ZMAT4: variants seen among roughly 807,000 people sequenced by gnomAD.
ZMAT4 encodes the protein zinc finger matrin-type 4.
A neutral mutation model predicts 28.7 loss-of-function variants in ZMAT4; 17 were observed. The observed-to-expected ratio is 0.59, with a 90% CI of 0.41 to 0.89. The LOEUF is 0.89. Ranked by LOEUF, ZMAT4 falls within the 40% of genes least tolerant of loss-of-function variation. The pLI, the probability that ZMAT4 is intolerant of heterozygous loss-of-function variation, is 0.00. For synonymous variants in ZMAT4, 117 were observed against 109.2 expected (o/e 1.07, Z -0.44); for missense variants, 240 against 283.8 (o/e 0.85, Z 1.11).
intron 1 of ZMAT4, among the ~76,000 whole-genome samples, chr8:40,889,202 G>C (rs897898039): frequency 1.3e-5 from 2 of 152,214 alleles, no homozygotes; most frequent in African/African-American, 2.4e-5. Context: ...GAAGAGGAAG[G>C]AACAAGGATA....
intron 1 of ZMAT4, among the ~76,000 whole-genome samples, chr8:40,828,499 C>T (rs1047254566): frequency 1.3e-5 from 2 of 151,782 alleles, no homozygotes; most frequent in Admixed American, 6.6e-5. Flanking sequence ...GTCTGAGTCT[C>T]GGTAAAGCAG....
intron 6 of ZMAT4, among the ~76,000 whole-genome samples, chr8:40,574,914 C>T (rs1023758848): frequency 2.6e-5 from 4 of 152,140 alleles, no homozygotes; most frequent in African/African-American, 9.7e-5. Context: ...AGTAGGAGCC[C>T]ACATTGTTTA....
intron 3 of ZMAT4, among the ~76,000 whole-genome samples, chr8:40,712,572 T>G (rs891424157): frequency 1.7e-3 from 257 of 152,306 alleles, no homozygotes; most frequent in African/African-American, 5.8e-3. Context: ...GCAGTCAGGG[T>G]GGGGAAGGCA....
Position 40,736,641 on chromosome 8 carries a change from G to T in ZMAT4, c.192+31000C>A, listed in dbSNP as rs576751153. 3.6e-4 allele frequency among the ~76,000 whole-genome samples: 55 copies of T among 152,330 alleles called. 1 individual carries two copies. The highest frequency in any genetic ancestry group is 1.8e-3 in the Admixed American group (28 of 15,294). On this transcript the variant is annotated intron_variant, in intron 3 of 6. Coordinates refer to ENST00000297737, the MANE Select transcript of ZMAT4 (RefSeq NM_024645.3). The stretch of plus-strand genomic sequence containing the variant: ...AGCATTGCACAAATACATAACAAAA[G>T]GAGTTAAGGGAGGCAGTCCACAAGA...
chr8:40,660,203 C>T (rs1808123681), intron 5 of ZMAT4, among the ~76,000 whole-genome samples: 1 of 152,180 alleles, frequency 6.6e-6, no homozygotes, highest in Admixed American at 6.5e-5. Flanking sequence ...TACTCACCTT[C>T]TAAATAAAAG....
At chr8:40,822,041 G>A (rs16889990) in intron 2 of ZMAT4, among the ~76,000 whole-genome samples, 31,583 of 152,114 alleles carry the variant, frequency 0.21, 3,573 homozygotes, top group South Asian at 0.3. Context: ...AAATATCTAC[G>A]AAGTTAACAG....
intron 5 of ZMAT4, among the ~76,000 whole-genome samples, chr8:40,588,444 AT>A (rs936553511): frequency 6.6e-6 from 1 of 152,074 alleles, no homozygotes; most frequent in African/African-American, 2.4e-5. Flanking sequence ...ATACAATCTA[AT>A]TTTTTTAAAG....
chr8:40,760,200 C>T (rs962664862), intron 3 of ZMAT4, among the ~76,000 whole-genome samples: 2 of 152,198 alleles, frequency 1.3e-5, no homozygotes, highest in Admixed American at 6.5e-5. Flanking sequence ...CACCTACTCC[C>T]TTGACTCTCC....
chr8:40,667,739 C>A (rs896164358), intron 5 of ZMAT4, among the ~76,000 whole-genome samples: 1 of 149,670 alleles, frequency 6.7e-6, no homozygotes, highest in Non-Finnish European at 1.5e-5. Context: ...GCTACAAGAA[C>A]AAGTTGAATG....
At chr8:40,716,377 C>T (rs942399473) in intron 3 of ZMAT4, among the ~76,000 whole-genome samples, 2 of 152,168 alleles carry the variant, frequency 1.3e-5, no homozygotes, top group South Asian at 4.1e-4. Flanking sequence ...TCCTTGGACC[C>T]TTCCTCCCTT....
chr8:40,893,345 G>A (rs1291131707), intron 1 of ZMAT4, among the ~76,000 whole-genome samples: 1 of 152,168 alleles, frequency 6.6e-6, no homozygotes, highest in Non-Finnish European at 1.5e-5. Context: ...GAGAAGGTTG[G>A]AGCGGAAAGG....
chr8:40,764,479 C>G (rs922742105), intron 3 of ZMAT4, among the ~76,000 whole-genome samples: 1 of 152,138 alleles, frequency 6.6e-6, no homozygotes, highest in South Asian at 2.1e-4. Context: ...TTTCGAGTTC[C>G]TATGAATGGG....
chr8:40,743,645 T>C (rs1201610649), intron 3 of ZMAT4, among the ~76,000 whole-genome samples: 1 of 152,052 alleles, frequency 6.6e-6, no homozygotes, highest in African/African-American at 2.4e-5. Context: ...CACAGAGAGT[T>C]GGAAGCCCTG....
chr8:40,615,595 T>A (rs1045381267), intron 5 of ZMAT4, among the ~76,000 whole-genome samples: 1 of 152,230 alleles, frequency 6.6e-6, no homozygotes, highest in African/African-American at 2.4e-5. Flanking sequence ...TTTCACATAA[T>A]CCCATATTTC....
intron 5 of ZMAT4, among the ~76,000 whole-genome samples, chr8:40,672,535 T>C (rs555077027): frequency 2.2e-4 from 33 of 152,318 alleles, no homozygotes; most frequent in African/African-American, 7.7e-4. Context: ...GCAGCCTTTT[T>C]GTCTTCTGTA....
chr8:40,646,072 C>G (rs1807297681), intron 5 of ZMAT4, among the ~76,000 whole-genome samples: 1 of 151,728 alleles, frequency 6.6e-6, no homozygotes, highest in Non-Finnish European at 1.5e-5. Flanking sequence ...ATATTATAAA[C>G]CATTAATATA....
chr8:40,583,540 GA>G (rs1365037883), intron 5 of ZMAT4, among the ~76,000 whole-genome samples: 2 of 152,162 alleles, frequency 1.3e-5, no homozygotes, highest in Non-Finnish European at 2.9e-5. Context: ...ACAAGTCTGT[GA>G]AAAAGTCATG....
At chr8:40,831,674 T>G (rs1171822659) in intron 1 of ZMAT4, among the ~76,000 whole-genome samples, 3 of 152,192 alleles carry the variant, frequency 2.0e-5, no homozygotes, top group Admixed American at 1.3e-4. Context: ...ACTGGCCCTT[T>G]AAAGATAGAA....
intron 5 of ZMAT4, among the ~76,000 whole-genome samples, chr8:40,631,712 C>A (rs930042874): frequency 1.3e-5 from 2 of 152,094 alleles, no homozygotes; most frequent in Admixed American, 6.5e-5. Context: ...TCTCATTTTG[C>A]AAAACAGGAA....
Sources: gnomAD v4.1 joint callset for allele counts (sites outside exome capture counted in the v4.1 genomes callset) on GRCh38, gnomAD v4.1.1 for gene constraint, MANE v1.5 for transcripts, NCBI Gene and HGNC (gene_info 2026-07-23, HGNC 2026-07-21) for gene names.